GRIK2: variants seen among roughly 807,000 people sequenced by gnomAD.
GRIK2 encodes glutamate ionotropic receptor kainate type subunit 2.
Under a neutral mutation model 100.3 loss-of-function variants are expected in GRIK2, and 32 were observed. The ratio of observed to expected loss-of-function variants is 0.32; its 90% CI spans 0.24 to 0.43. The LOEUF (loss-of-function observed/expected upper bound fraction) is 0.43, where lower values mean the gene tolerates loss of function less well. Ranked by LOEUF, GRIK2 falls within the 20% of genes least tolerant of loss-of-function variation. GRIK2 has a pLI of 1.00. For missense variants in GRIK2, 843 were observed against 1,114.9 expected (o/e 0.76, Z 3.47); for synonymous variants, 417 against 389.4 (o/e 1.07, Z -0.83).
intron 10 of GRIK2, among the ~76,000 whole-genome samples, chr6:101,828,088 G>C (rs973409390): frequency 6.6e-6 from 1 of 151,818 alleles, no homozygotes. Flanking sequence ...TCTTCTCAGA[G>C]CACAGTAGAA....
intron 10 of GRIK2, among the ~76,000 whole-genome samples, chr6:101,827,633 A>G (rs1782423337): frequency 6.6e-6 from 1 of 151,930 alleles, no homozygotes; most frequent in South Asian, 2.1e-4. Context: ...CTATTTTTGT[A>G]TTAGATAAAA....
intron 2 of GRIK2, among the ~76,000 whole-genome samples, chr6:101,559,752 TAATC>T (rs1329253240): frequency 6.6e-6 from 1 of 152,108 alleles, no homozygotes; most frequent in East Asian, 1.9e-4. Flanking sequence ...TTCCACCAAA[TAATC>T]AATCTGATTT....
chr6:101,447,127 C>T (rs1770426715), intron 2 of GRIK2, among the ~76,000 whole-genome samples: 1 of 150,620 alleles, frequency 6.6e-6, no homozygotes, highest in Non-Finnish European at 1.5e-5. Flanking sequence ...TAAACATTTA[C>T]TTTAATAATA....
At chr6:101,523,283 C>A (rs1774973258) in intron 2 of GRIK2, among the ~76,000 whole-genome samples, 1 of 152,050 alleles carries the variant, frequency 6.6e-6, no homozygotes, top group African/African-American at 2.4e-5. Flanking sequence ...TATAGACCTA[C>A]CATGGTAAAG....
intron 4 of GRIK2, among the ~76,000 whole-genome samples, chr6:101,673,441 T>A (rs974868251): frequency 6.6e-6 from 1 of 152,154 alleles, no homozygotes; most frequent in African/African-American, 2.4e-5. Context: ...TTTTCACAGC[T>A]CTTAGGTTAA....
intron 2 of GRIK2, among the ~76,000 whole-genome samples, chr6:101,565,960 A>T (rs1013843422): frequency 2.3e-5 from 3 of 128,234 alleles, no homozygotes; most frequent in Admixed American, 7.8e-5. Flanking sequence ...TATATATATA[A>T]GCAAACTAGA....
intron 2 of GRIK2, among the ~76,000 whole-genome samples, chr6:101,536,316 A>C (rs992358371): frequency 2.0e-5 from 3 of 151,652 alleles, no homozygotes; most frequent in Admixed American, 6.6e-5. Flanking sequence ...TGCAATTTTC[A>C]AGAATGATTT....
chr6:101,701,893 C>A (rs1388359465), intron 7 of GRIK2, among the ~76,000 whole-genome samples: 2 of 151,872 alleles, frequency 1.3e-5, no homozygotes, highest in Non-Finnish European at 2.9e-5. Flanking sequence ...TTTTAAGGAC[C>A]AGTAGAAGTT....
At chr6:101,730,362 T>C (rs1277301373) in intron 7 of GRIK2, among the ~76,000 whole-genome samples, 1 of 151,968 alleles carries the variant, frequency 6.6e-6, no homozygotes, top group East Asian at 1.9e-4. Context: ...GCTCCAGTCC[T>C]GTCCTGTAAG....
intron 2 of GRIK2, among the ~76,000 whole-genome samples, chr6:101,475,192 G>C (rs937498523): frequency 6.6e-6 from 1 of 151,842 alleles, no homozygotes; most frequent in East Asian, 1.9e-4. Flanking sequence ...ACTGACACAC[G>C]TTTAGAGAAG....
chr6:101,482,501 A>T (rs1348364318), intron 2 of GRIK2, among the ~76,000 whole-genome samples: 1 of 152,150 alleles, frequency 6.6e-6, no homozygotes. Context: ...AAAAGCGACA[A>T]GCATTTTTAT....
Position 102,057,795 on chromosome 6 carries a change from C to G in GRIK2, c.2562+2215C>G, listed in dbSNP as rs73759074. On this transcript the variant is annotated intron_variant, in intron 16 of 16. Coordinates refer to ENST00000369134, the MANE Select transcript of GRIK2 (RefSeq NM_021956.5). ...CACACTACATTTTAACTCTCAATTT[C>G]CCAAGTTTATACTCTCCCTTTTGAC... Among the ~76,000 whole-genome samples, 465 of 151,922 alleles carry G rather than the reference C, an allele frequency of 3.1e-3. 2 individuals carry two copies. The highest frequency in any genetic ancestry group is 0.011 in the African/African-American group (448 of 41,530).
At chr6:101,530,868 CTT>C (rs376510770) in intron 2 of GRIK2, among the ~76,000 whole-genome samples, 60 of 152,002 alleles carry the variant, frequency 3.9e-4, no homozygotes, top group Admixed American at 1.8e-3. Context: ...ATGAACAGAA[CTT>C]ACAGACTGAA....
At chr6:101,561,767 T>C (rs1299847965) in intron 2 of GRIK2, among the ~76,000 whole-genome samples, 1 of 151,934 alleles carries the variant, frequency 6.6e-6, no homozygotes, top group African/African-American at 2.4e-5. Context: ...TGGGAAGGGG[T>C]TATAGAAATA....
chr6:101,958,253 T>TTCTG (rs150156844), intron 14 of GRIK2, among the ~76,000 whole-genome samples: 22 of 139,530 alleles, frequency 1.6e-4, no homozygotes, highest in African/African-American at 3.9e-4. Flanking sequence ...TGCTACATAT[T>TTCTG]TGTGTGTGTG....
chr6:101,900,426 G>T (rs1033879989), intron 12 of GRIK2, among the ~76,000 whole-genome samples: 2 of 152,068 alleles, frequency 1.3e-5, no homozygotes, highest in Non-Finnish European at 2.9e-5. Context: ...ATCGTGAGCC[G>T]AGATCGCGCC....
intron 8 of GRIK2, among the ~76,000 whole-genome samples, chr6:101,800,035 T>C (rs1255561375): frequency 1.3e-5 from 2 of 152,156 alleles, no homozygotes; most frequent in Non-Finnish European, 2.9e-5. Context: ...TTTATTACTT[T>C]TCCTTTATGT....
At chr6:101,621,812 TTCTC>T (rs984720207) in intron 2 of GRIK2, 133 bp from the exon 3 acceptor site, 19 of 646,208 alleles carry the variant, frequency 2.9e-5, no homozygotes, top group Non-Finnish European at 5.2e-5. Flanking sequence ...CTCTCTCTCT[TTCTC>T]TCTCTCACAC....
chr6:101,473,815 G>A (rs548616310), intron 2 of GRIK2, among the ~76,000 whole-genome samples: 2 of 151,856 alleles, frequency 1.3e-5, no homozygotes, highest in South Asian at 2.1e-4. Flanking sequence ...TGTGGTGATC[G>A]ATCACTAAAT....
Sources: allele counts gnomAD v4.1 joint callset (sites outside exome capture counted in the v4.1 genomes callset), GRCh38; gene constraint gnomAD v4.1.1; transcripts MANE v1.5; gene names NCBI Gene and HGNC (gene_info 2026-07-23, HGNC 2026-07-21).